KAZN: variants seen among roughly 807,000 people sequenced by gnomAD.
KAZN encodes kazrin, periplakin interacting protein, also known as kazrin.
Under a neutral mutation model 87.4 loss-of-function variants are expected in KAZN, and 40 were observed. That is an observed-to-expected ratio of 0.46 (90% CI 0.36 to 0.60). KAZN has a LOEUF of 0.60. Ranked by LOEUF, KAZN falls within the 20% of genes least tolerant of loss-of-function variation. The pLI is 0.00. For missense variants in KAZN, 898 were observed against 1,073.9 expected (o/e 0.84, Z 2.29); for synonymous variants, 466 against 458.3 (o/e 1.02, Z -0.22).
intron 1 of KAZN, among the ~76,000 whole-genome samples, chr1:14,782,265 G>C (rs1473864595): frequency 2.0e-5 from 3 of 151,832 alleles, no homozygotes; most frequent in Admixed American, 6.6e-5. Flanking sequence ...TGCACCTCCC[G>C]GCTGGGTGCG....
chr1:14,652,814 T>A (rs1638535306), intron 1 of KAZN, among the ~76,000 whole-genome samples: 1 of 151,892 alleles, frequency 6.6e-6, no homozygotes, highest in Admixed American at 6.6e-5. Context: ...CACACCAGTT[T>A]AATGATTTTC....
At chr1:14,440,464 G>A (rs988720624) in intron 2 of KAZN, among the ~76,000 whole-genome samples, 1 of 152,158 alleles carries the variant, frequency 6.6e-6, no homozygotes, top group Non-Finnish European at 1.5e-5. Context: ...CCATTCATAT[G>A]TCTGTCTTCT....
At chr1:13,945,710 T>TGAGAGAGA (rs200937986) in intron 1 of KAZN, among the ~76,000 whole-genome samples, 3 of 137,270 alleles carry the variant, frequency 2.2e-5, no homozygotes, top group African/African-American at 5.8e-5. Context: ...TGTGTGTGTG[T>TGAGAGAGA]GAGAGAGAGA....
intron 1 of KAZN, among the ~76,000 whole-genome samples, chr1:14,143,148 G>A (rs774944973): frequency 1.8e-4 from 28 of 152,176 alleles, no homozygotes; most frequent in Admixed American, 1.7e-3. Context: ...TGCTTGGAAC[G>A]ACGGTTCCTA....
At chr1:14,498,492 GA>G (rs1480144973) in intron 2 of KAZN, among the ~76,000 whole-genome samples, 2 of 152,144 alleles carry the variant, frequency 1.3e-5, no homozygotes, top group Non-Finnish European at 2.9e-5. Flanking sequence ...AGGGGTTTGA[GA>G]CCAGCCTGGC....
chr1:14,936,587 C>T (rs552424692), intron 1 of KAZN, among the ~76,000 whole-genome samples: 1 of 152,256 alleles, frequency 6.6e-6, no homozygotes, highest in Admixed American at 6.5e-5. Context: ...GTTAAGGCCT[C>T]ACCTACCTGC....
intron 1 of KAZN, among the ~76,000 whole-genome samples, chr1:14,067,903 C>T (rs758391670): frequency 3.3e-5 from 5 of 152,208 alleles, no homozygotes; most frequent in Non-Finnish European, 5.9e-5. Context: ...TCCTCACAGC[C>T]AACCATCCCA....
rs565761857 is a variant in KAZN at position 14,420,373 on chromosome 1, C to T, written c.250-178610C>T. On this transcript the variant is annotated intron_variant, in intron 2 of 16. Coordinates refer to the KAZN transcript ENST00000636203. ...GTGCATTTACAAACCTTGAGCTAGG[C>T]GTAAATAAATTCTCCAAGTACCCAC... 9.8e-5 allele frequency among the ~76,000 whole-genome samples: 15 copies of T among 152,334 alleles called. No individual in the cohort carries two copies. The East Asian group carries it at 1.4e-3, about 14-fold the overall frequency.
chr1:14,167,587 G>A (rs953175773), intron 1 of KAZN, among the ~76,000 whole-genome samples: 6 of 152,114 alleles, frequency 3.9e-5, no homozygotes, highest in South Asian at 2.1e-4. Flanking sequence ...GCCAGGCATC[G>A]TGGCAGACAC....
chr1:14,751,854 AGCCAC>A (rs1462304368), intron 1 of KAZN, among the ~76,000 whole-genome samples: 1 of 152,250 alleles, frequency 6.6e-6, no homozygotes, highest in Non-Finnish European at 1.5e-5. Context: ...CATCACAGGC[AGCCAC>A]TGCTGAGCCT....
intron 1 of KAZN, among the ~76,000 whole-genome samples, chr1:14,642,986 AC>A (rs1680520729): frequency 6.6e-6 from 1 of 152,200 alleles, no homozygotes; most frequent in Non-Finnish European, 1.5e-5. Context: ...ACATCTATCC[AC>A]CATGTGACTC....
chr1:13,967,091 T>C (rs964549466), intron 1 of KAZN, among the ~76,000 whole-genome samples: 10 of 152,156 alleles, frequency 6.6e-5, no homozygotes, highest in African/African-American at 1.9e-4. Context: ...GCACCTTAGA[T>C]GGGATGCAGC....
chr1:15,045,915 T>C (rs1293301326), intron 4 of KAZN, among the ~76,000 whole-genome samples: 2 of 152,230 alleles, frequency 1.3e-5, no homozygotes, highest in African/African-American at 4.8e-5. Flanking sequence ...ACGTGGGGAT[T>C]ACAATTCGAG....
intron 2 of KAZN, among the ~76,000 whole-genome samples, chr1:14,567,591 C>T (rs1019411129): frequency 2.6e-5 from 4 of 152,204 alleles, no homozygotes; most frequent in Non-Finnish European, 4.4e-5. Flanking sequence ...AGTAAGTCTG[C>T]ATTGCTCTTT....
chr1:14,984,803 G>C (rs933211982), intron 2 of KAZN, among the ~76,000 whole-genome samples: 2 of 152,110 alleles, frequency 1.3e-5, no homozygotes, highest in African/African-American at 4.8e-5. Context: ...AGGGACTCCT[G>C]CTGGCAAAGA....
At chr1:14,776,307 G>A (rs572452788) in intron 1 of KAZN, among the ~76,000 whole-genome samples, 13 of 152,120 alleles carry the variant, frequency 8.5e-5, no homozygotes, top group South Asian at 2.1e-4. Context: ...CCTGGACTCC[G>A]TTGTGGGATT....
chr1:14,612,347 T>C (rs577742445), intron 1 of KAZN, among the ~76,000 whole-genome samples: 3 of 152,322 alleles, frequency 2.0e-5, no homozygotes, highest in African/African-American at 4.8e-5. Flanking sequence ...CCTTCATCAC[T>C]GACTTCAAAA....
intron 1 of KAZN, among the ~76,000 whole-genome samples, chr1:13,930,078 T>C (rs979885708): frequency 3.3e-5 from 5 of 152,192 alleles, no homozygotes; most frequent in African/African-American, 4.8e-5. Flanking sequence ...ATAGCCACAC[T>C]GTTTGCCATG....
intron 1 of KAZN, among the ~76,000 whole-genome samples, chr1:14,010,717 T>A (rs1041441921): frequency 3.9e-5 from 6 of 152,208 alleles, no homozygotes; most frequent in African/African-American, 1.4e-4. Flanking sequence ...TGGCCAGACA[T>A]GTACTCAGGG....
Sources: gnomAD v4.1 joint callset for allele counts (sites outside exome capture counted in the v4.1 genomes callset) on GRCh38, gnomAD v4.1.1 for gene constraint, MANE v1.5 for transcripts, NCBI Gene and HGNC (gene_info 2026-07-23, HGNC 2026-07-21) for gene names.